ERBB4: variants seen among roughly 807,000 people sequenced by gnomAD.
ERBB4 encodes receptor tyrosine-protein kinase erbB-4.
Under a neutral mutation model 158.0 loss-of-function variants are expected in ERBB4, and 42 were observed. That is an observed-to-expected ratio of 0.27 (90% confidence interval 0.21 to 0.34). The LOEUF (loss-of-function observed/expected upper bound fraction) is 0.34, where lower values mean the gene tolerates loss of function less well. Among genes scored for constraint, ERBB4 ranks in the 10% least tolerant of loss-of-function variants. The probability of loss-of-function intolerance (pLI) is 1.00; values close to 1 mark genes in which losing one functional copy is unlikely to be tolerated. For missense variants in ERBB4, 1,333 were observed against 1,624.1 expected, an observed-to-expected ratio of 0.82 and a Z score of 3.08; for synonymous variants, 583 against 558.7, an observed-to-expected ratio of 1.04 and a Z score of -0.61.
At chr2:212,328,652 T>C (rs1033068798) in intron 1 of ERBB4, among the ~76,000 whole-genome samples, 2 of 152,046 alleles carry the variant, frequency 1.3e-5, no homozygotes, top group Non-Finnish European at 2.9e-5. Context: ...CCATATAGTA[T>C]GTAGGCTAGG....
At chr2:211,975,386 T>C (rs1295861821) in intron 2 of ERBB4, among the ~76,000 whole-genome samples, 4 of 152,206 alleles carry the variant, frequency 2.6e-5, no homozygotes, top group Non-Finnish European at 4.4e-5. Flanking sequence ...AGGTACAAAA[T>C]TGTTAAGTGT....
intron 1 of ERBB4, among the ~76,000 whole-genome samples, chr2:212,233,198 C>A (rs2083728570): frequency 6.6e-6 from 1 of 152,040 alleles, no homozygotes; most frequent in Non-Finnish European, 1.5e-5. Flanking sequence ...GTAGAATGTA[C>A]TTTCTAGCAA....
At chr2:212,051,457 C>A (rs1047944172) in intron 2 of ERBB4, among the ~76,000 whole-genome samples, 2 of 151,986 alleles carry the variant, frequency 1.3e-5, no homozygotes, top group African/African-American at 4.8e-5. Context: ...GGTTCTCAAA[C>A]CTATGCATTT....
At chr2:211,413,323 C>A (rs367748692) in intron 25 of ERBB4, among the ~76,000 whole-genome samples, 17,499 of 85,912 alleles carry the variant, frequency 0.2, 3,112 homozygotes, top group Non-Finnish European at 0.27. Context: ...CACACACACA[C>A]ACACACACAC....
chr2:211,409,856 CAT>C (rs2063221655), intron 25 of ERBB4, among the ~76,000 whole-genome samples: 1 of 152,154 alleles, frequency 6.6e-6, no homozygotes, highest in African/African-American at 2.4e-5. Flanking sequence ...TCAGTATACA[CAT>C]ATAAGATGAA....
chr2:211,836,239 C>T (rs1393853409), intron 3 of ERBB4, among the ~76,000 whole-genome samples: 3 of 151,940 alleles, frequency 2.0e-5, no homozygotes, highest in Non-Finnish European at 4.4e-5. Flanking sequence ...TATAGACACA[C>T]GGGTCTCAAT....
At chr2:211,529,448 T>C (rs2066437305) in intron 20 of ERBB4, among the ~76,000 whole-genome samples, 1 of 152,082 alleles carries the variant, frequency 6.6e-6, no homozygotes, top group Non-Finnish European at 1.5e-5. Flanking sequence ...CCAATCCTAT[T>C]CAAACTATTC....
At chr2:211,509,025 C>T (rs1458677539) in intron 20 of ERBB4, among the ~76,000 whole-genome samples, 1 of 152,106 alleles carries the variant, frequency 6.6e-6, no homozygotes, top group Non-Finnish European at 1.5e-5. Flanking sequence ...GGGTTCATGT[C>T]CTTTGCAGGG....
At chr2:211,898,026 A>G (rs1030790428) in intron 3 of ERBB4, among the ~76,000 whole-genome samples, 1 of 151,966 alleles carries the variant, frequency 6.6e-6, no homozygotes, top group Admixed American at 6.6e-5. Context: ...GGCCTTCCAC[A>G]GTGCTGGGGT....
At chr2:211,960,177 A>G (rs182887282) in intron 2 of ERBB4, among the ~76,000 whole-genome samples, 65 of 152,196 alleles carry the variant, frequency 4.3e-4, no homozygotes, top group Non-Finnish European at 8.5e-4. Context: ...TATTCTAGGT[A>G]TGGGACAAGA....
At chr2:212,474,457 G>A (rs946789123) in intron 1 of ERBB4, among the ~76,000 whole-genome samples, 1 of 152,072 alleles carries the variant, frequency 6.6e-6, no homozygotes, top group African/African-American at 2.4e-5. Flanking sequence ...GGCCAGCATG[G>A]TATGGTATTA....
chr2:211,413,353 T>TAA (rs529107649), intron 25 of ERBB4, among the ~76,000 whole-genome samples: 2 of 85,910 alleles, frequency 2.3e-5, no homozygotes, highest in African/African-American at 9.0e-5. Flanking sequence ...CACACATTGA[T>TAA]AAAAAAAAAA....
chr2:211,429,610 C>G (rs2063707469), intron 21 of ERBB4, among the ~76,000 whole-genome samples: 2 of 152,164 alleles, frequency 1.3e-5, no homozygotes, highest in Admixed American at 1.3e-4. Context: ...ATAAACACTT[C>G]TACTTTGCAG....
intron 1 of ERBB4, among the ~76,000 whole-genome samples, chr2:212,267,574 C>T (rs543158213): frequency 5.5e-5 from 8 of 145,164 alleles, no homozygotes; most frequent in South Asian, 2.2e-4. Context: ...GCCCCTACTC[C>T]CTAAAAATCA....
chr2:211,421,723 A>C (rs928051648), intron 24 of ERBB4, among the ~76,000 whole-genome samples: 11 of 147,754 alleles, frequency 7.4e-5, no homozygotes, highest in African/African-American at 2.7e-4. Flanking sequence ...AATAAAATCA[A>C]GGTGCTAAAA....
chr2:212,443,724 G>A (rs984238814), intron 1 of ERBB4, among the ~76,000 whole-genome samples: 4 of 152,320 alleles, frequency 2.6e-5, no homozygotes, highest in African/African-American at 7.2e-5. Context: ...AAGTATCAGT[G>A]GCAAATAGGG....
At chr2:212,373,729 ATATATATCCATATATATATCCATG>A in intron 1 of ERBB4, among the ~76,000 whole-genome samples, 1 of 146,494 alleles carries the variant, frequency 6.8e-6, no homozygotes, top group East Asian at 2.0e-4. Context: ...ATATCCATAT[ATATATATCCATATATATATCCATG>A]TATATATCCA....
chr2:212,458,931 T>C (rs1035222429), intron 1 of ERBB4, among the ~76,000 whole-genome samples: 12 of 152,212 alleles, frequency 7.9e-5, no homozygotes, highest in African/African-American at 2.7e-4. Flanking sequence ...AGGCATATTA[T>C]AGGCATTCAA....
At chr2:211,828,605 T>C (rs913248053) in intron 3 of ERBB4, among the ~76,000 whole-genome samples, 20 of 152,138 alleles carry the variant, frequency 1.3e-4, no homozygotes, top group African/African-American at 4.6e-4. Context: ...TAAGCAGTGG[T>C]CTCTTGCTAA....
Sources: gnomAD v4.1 joint callset for allele counts (sites outside exome capture counted in the v4.1 genomes callset) on GRCh38, gnomAD v4.1.1 for gene constraint, MANE v1.5 for transcripts, NCBI Gene and HGNC (gene_info 2026-07-23, HGNC 2026-07-21) for gene names.